The following FSTL5 variants were observed in gnomAD, a reference collection of about 807,000 sequenced individuals.
FSTL5 encodes follistatin like 5, also known as follistatin-related protein 5.
FSTL5 carries 62 observed loss-of-function variants against 89.1 expected under a neutral mutation model. That is an observed-to-expected ratio of 0.70 (90% confidence interval 0.57 to 0.86). The LOEUF (loss-of-function observed/expected upper bound fraction) is 0.86. FSTL5 is among the 40% of genes least tolerant of loss of function. The probability of loss-of-function intolerance (pLI) is 0.00; values close to 1 mark genes in which losing one functional copy is unlikely to be tolerated. For missense variants in FSTL5, 1,057 were observed against 1,001.6 expected, an observed-to-expected ratio of 1.06 and a Z score of -0.75; for synonymous variants, 383 against 346.2, an observed-to-expected ratio of 1.11 and a Z score of -1.18.
At chr4:161,440,756 C>T (rs1352634808) in intron 15 of FSTL5, among the ~76,000 whole-genome samples, 2 of 152,122 alleles carry the variant, frequency 1.3e-5, no homozygotes, top group Non-Finnish European at 2.9e-5. Context: ...AGGTCTCCAT[C>T]ACAGTTATGA....
chr4:161,782,491 A>C (rs1741709232), intron 4 of FSTL5, among the ~76,000 whole-genome samples: 1 of 152,124 alleles, frequency 6.6e-6, no homozygotes, highest in Non-Finnish European at 1.5e-5. Context: ...TTTAGTTCAT[A>C]AGTGATTATA....
At chr4:161,727,352 G>A (rs1739459097) in intron 6 of FSTL5, among the ~76,000 whole-genome samples, 1 of 152,120 alleles carries the variant, frequency 6.6e-6, no homozygotes, top group African/African-American at 2.4e-5. Context: ...CAAAATGAGA[G>A]AGCAAGGACA....
intron 15 of FSTL5, among the ~76,000 whole-genome samples, chr4:161,396,592 T>C (rs1731008070): frequency 6.6e-6 from 1 of 150,978 alleles, no homozygotes; most frequent in Non-Finnish European, 1.5e-5. Flanking sequence ...AGGCAGAGGT[T>C]GCAGTAAGCT....
At chr4:161,817,662 C>A (rs2126846368) in intron 4 of FSTL5, among the ~76,000 whole-genome samples, 1 of 152,210 alleles carries the variant, frequency 6.6e-6, no homozygotes, top group South Asian at 2.1e-4. Context: ...ACAGAGATTT[C>A]AATTTTGATA....
intron 7 of FSTL5, 140 bp downstream of exon 7, chr4:161,656,188 C>T (rs974281420): frequency 1.4e-5 from 6 of 442,046 alleles, no homozygotes; most frequent in African/African-American, 2.0e-5. Flanking sequence ...CCTCTCATTC[C>T]GTAGATTAGA....
At chr4:161,835,351 T>C (rs1731001466) in intron 4 of FSTL5, among the ~76,000 whole-genome samples, 1 of 152,084 alleles carries the variant, frequency 6.6e-6, no homozygotes, top group Non-Finnish European at 1.5e-5. Flanking sequence ...ATAAAAACCC[T>C]AGAAGAAAAC....
At chr4:161,610,380 A>C (rs1578964342) in intron 7 of FSTL5, among the ~76,000 whole-genome samples, 1 of 152,198 alleles carries the variant, frequency 6.6e-6, no homozygotes, top group East Asian at 1.9e-4. Context: ...ATGGCACACC[A>C]TGTATAGCAA....
At position 161,552,176 on chromosome 4, in the gene FSTL5, A is replaced by G. The variant is rs187524098; in HGVS notation, c.1016-9483T>C. 9.4e-4 allele frequency among the ~76,000 whole-genome samples: 143 copies of G among 152,032 alleles called. 1 individual carries two copies. The highest frequency in any genetic ancestry group is 6.8e-3 in the Middle Eastern group (2 of 294). The stretch of plus-strand genomic sequence containing the variant: ...GGGTGGAGTAAAAACACTGTTTAAA[A>G]TATTTAGACTAATCTGACTAATCTC... On this transcript the variant is annotated intron_variant, in intron 8 of 15. Transcript: ENST00000306100.
At chr4:162,076,601 A>T (rs1341849332) in intron 2 of FSTL5, among the ~76,000 whole-genome samples, 1 of 151,854 alleles carries the variant, frequency 6.6e-6, no homozygotes, top group African/African-American at 2.4e-5. Context: ...ATTTGGGATA[A>T]TGTGCCAGTG....
chr4:161,750,018 C>T (rs898527222), intron 6 of FSTL5, among the ~76,000 whole-genome samples: 3 of 152,034 alleles, frequency 2.0e-5, no homozygotes, highest in East Asian at 3.9e-4. Context: ...ACGATAAATA[C>T]ATTTGATGTA....
intron 8 of FSTL5, among the ~76,000 whole-genome samples, chr4:161,561,193 T>TGATA (rs35910528): frequency 0.55 from 82,563 of 150,222 alleles, 23,359 homozygotes; most frequent in Non-Finnish European, 0.62. Context: ...GTATTTTAGA[T>TGATA]GATAGATAGA....
chr4:161,386,287 G>T lies in FSTL5; in HGVS notation c.2004C>A (p.Asp668Glu). 1 of 1,614,018 alleles carries T rather than the reference G, an allele frequency of 6.2e-7. No homozygotes were observed. The highest frequency in any genetic ancestry group is 1.1e-5 in the South Asian group (1 of 91,084). ...CCTGTGGGGAAACTGCTCCGGTGCT[G>T]TCAGGTTTGCAGCCAATGAAGTAGT... ...GGYYFIGCKP[D>E]STGAVSPQVM... The change falls in exon 16 of 16, where the codon GAC becomes GAA. Residue 668 changes from aspartate (D) to glutamate (E), a missense_variant. Physicochemically the swap from Asp to Glu is conservative, Grantham distance 45. This residue lies in a region of FSTL5 where 980 missense variants were observed against 903.2 expected (regional missense o/e 1.08). Transcript: ENST00000306100.
chr4:161,424,682 G>A (rs1035765778), intron 15 of FSTL5, among the ~76,000 whole-genome samples: 7 of 152,036 alleles, frequency 4.6e-5, no homozygotes, highest in Admixed American at 3.9e-4. Flanking sequence ...TCAAAATGTA[G>A]AGACTGGAAA....
At chr4:161,748,342 A>C (rs1273518856) in intron 6 of FSTL5, among the ~76,000 whole-genome samples, 1 of 152,180 alleles carries the variant, frequency 6.6e-6, no homozygotes, top group Non-Finnish European at 1.5e-5. Context: ...ATAAATATGT[A>C]CATATGTACA....
intron 3 of FSTL5, among the ~76,000 whole-genome samples, chr4:162,025,418 A>G (rs565948653): frequency 4.3e-4 from 66 of 152,282 alleles, no homozygotes; most frequent in African/African-American, 1.6e-3. Flanking sequence ...ACTTTGTGGC[A>G]TATTATATTT....
intron 2 of FSTL5, among the ~76,000 whole-genome samples, chr4:162,038,729 C>T (rs1338469736): frequency 2.0e-5 from 3 of 151,766 alleles, no homozygotes; most frequent in African/African-American, 7.2e-5. Context: ...ACGGATTTCT[C>T]CTGAAGAAAC....
intron 15 of FSTL5, among the ~76,000 whole-genome samples, chr4:161,409,033 C>T (rs1268681846): frequency 6.6e-6 from 1 of 152,106 alleles, no homozygotes; most frequent in Non-Finnish European, 1.5e-5. Flanking sequence ...CTAGAGAGGT[C>T]AACATGCAAA....
At chr4:161,808,497 A>G (rs1322541119) in intron 4 of FSTL5, among the ~76,000 whole-genome samples, 1 of 152,210 alleles carries the variant, frequency 6.6e-6, no homozygotes, top group Non-Finnish European at 1.5e-5. Context: ...AACAAAAATT[A>G]ACTTAAAATG....
chr4:161,546,285 A>G (rs1732004066), intron 8 of FSTL5, among the ~76,000 whole-genome samples: 1 of 132,686 alleles, frequency 7.5e-6, no homozygotes, highest in Admixed American at 7.8e-5. Flanking sequence ...CATATTATAT[A>G]TACATATTAT....
Sources: gnomAD v4.1 joint callset for allele counts (sites outside exome capture counted in the v4.1 genomes callset) on GRCh38, gnomAD v4.1.1 for gene constraint, gnomAD v4.1.1 regional missense constraint, MANE v1.5 for transcripts, NCBI Gene and HGNC (gene_info 2026-07-23, HGNC 2026-07-21) for gene names.